CORO1B: variants seen among roughly 807,000 people sequenced by gnomAD.
CORO1B encodes the protein coronin 1B.
A neutral mutation model predicts 51.1 loss-of-function variants in CORO1B; 30 were observed. The ratio of observed to expected loss-of-function variants is 0.59; its 90% CI spans 0.44 to 0.80. The LOEUF (loss-of-function observed/expected upper bound fraction) is 0.80, where lower values mean the gene tolerates loss of function less well. Among genes scored for constraint, CORO1B ranks in the 30% least tolerant of loss-of-function variants. The pLI is 0.00. For synonymous variants in CORO1B, 310 were observed against 289.7 expected (o/e 1.07, Z -0.71); for missense variants, 648 against 700.4 (o/e 0.93, Z 0.84).
rs140493861 is a variant in CORO1B at position 67,440,341 on chromosome 11, G to A, written c.855C>T (p.Cys285=). The A allele has an allele frequency of 2.8e-5, 45 of 1,613,428 alleles. No individual in the cohort carries two copies. Among genetic ancestry groups the A allele is most frequent in the Admixed American group, 6.7e-5 (4 of 59,998 alleles). Residue 285 remains cysteine (C), a synonymous_variant, in exon 7 of 11, where the codon TGC becomes TGT. Transcript: ENST00000341356. The part of the protein sequence containing the change: ...YDPDTSVVYV[C]GKGDSSIRYF... Reference sequence around the variant, plus strand: ...CAGCCCTGCCCAGCCCCACCTTGCCGCAGACGTAGACCACACTGGTGTCGG... The same window carrying A: ...CAGCCCTGCCCAGCCCCACCTTGCCACAGACGTAGACCACACTGGTGTCGG...
intron 9 of CORO1B, among the ~76,000 whole-genome samples, chr11:67,439,482 T>TC (rs1164908288): frequency 6.6e-6 from 1 of 152,200 alleles, no homozygotes; most frequent in African/African-American, 2.4e-5. Context: ...CCCAGCTGTG[T>TC]TATGGGTCCT....
chr11:67,438,189 C>CTCCACTG lies in CORO1B; in HGVS notation c.*186_*187insCAGTGGA. 1.5e-6 allele frequency: 1 copy of CTCCACTG among 659,562 alleles called. No homozygotes were observed. Among genetic ancestry groups the CTCCACTG allele is most frequent in the East Asian group, 2.9e-5 (1 of 34,136 alleles). The allele number at this position is 659,562 out of a possible 1,614,324, so 40.9% of individuals were successfully genotyped here. On this transcript the variant is annotated 3_prime_UTR_variant, in exon 11 of 11. Coordinates refer to ENST00000341356, the MANE Select transcript of CORO1B (RefSeq NM_020441.3). ...AGGAGCTCGCCTGGGCGTAGACATCCTCCACAGGAACAGTGAGGAAAGCTG... is the reference window on the plus strand; with the variant it reads ...AGGAGCTCGCCTGGGCGTAGACATCCTCCACTGTCCACAGGAACAGTGAGGAAAGCTG...
chr11:67,441,513 G>A lies in CORO1B; in HGVS notation c.456C>T (p.Gly152=). The stretch of plus-strand genomic sequence containing the variant: ...TCCAGATGAGTACCACGTTGTCGCA[G>A]CCTGGCAGGTGAGGGTTGTCAGCTC... The part of the protein sequence containing the change: ...PTARNVLLSA[G]CDNVVLIWNV... The change falls in exon 5 of 11, where the codon GGC becomes GGT. Residue 152 remains glycine (G), a splice_region_variant and synonymous_variant. Coordinates refer to ENST00000341356, the MANE Select transcript of CORO1B (RefSeq NM_020441.3). The A allele has an allele frequency of 6.2e-7, 1 of 1,610,844 alleles. No homozygotes were observed. Among genetic ancestry groups the A allele is most frequent in the Non-Finnish European group, 8.5e-7 (1 of 1,178,186 alleles).
In CORO1B at chr11:67,436,331, C is replaced by T. The variant is rs543254828; in HGVS notation, c.*2045G>A. ...TGGCAGGGCCAGCAGCATCCCGAGC[C>T]CTAAGGTGCAGGGCAGAGCCTGTGG... is the stretch of plus-strand genomic sequence containing the variant. On this transcript the variant is annotated 3_prime_UTR_variant, in exon 11 of 11. Transcript: ENST00000341356. 1.3e-6 allele frequency: 2 copies of T among 1,502,270 alleles called. No homozygotes were observed. The highest frequency in any genetic ancestry group is 1.8e-6 in the Non-Finnish European group (2 of 1,127,282). 93.1% of individuals were successfully genotyped at this position (1,502,270 alleles called of 1,614,324 possible). A position where few individuals can be genotyped will look rare whatever the true frequency, so the allele number is the denominator to read the frequency against.
rs750177646 is a variant in CORO1B at position 67,441,633 on chromosome 11, C to A, written c.454+100G>T. Reference sequence around the variant, plus strand: ...AGACGGGTCTCTCCAACTCTGAGGGCCTCAGCTTTCCCATTTGTCATGTGG... The same window carrying A: ...AGACGGGTCTCTCCAACTCTGAGGGACTCAGCTTTCCCATTTGTCATGTGG... On this transcript the variant is annotated intron_variant, in intron 4 of 10. Transcript: ENST00000341356. The A allele has an allele frequency of 3.2e-6, 5 of 1,543,698 alleles. No individual in the cohort carries two copies. In the African/African-American group the frequency reaches 6.8e-5, roughly 21 times the overall value.
chr11:67,437,563 GC>G lies in CORO1B; in HGVS notation c.*812del, dbSNP rs1215926891. The G allele has an allele frequency of 8.2e-6, 11 of 1,337,566 alleles. No individual in the cohort carries two copies. The Admixed American group carries it at 3.0e-4, about 37-fold the overall frequency. 82.9% of individuals were successfully genotyped at this position (1,337,566 alleles called of 1,614,324 possible). ...TAGCTCCACAGGCCCAGACATTCTAGCCCCGACCGCCTGTGGCCCCCATCCC... is the reference window on the plus strand; with the variant it reads ...TAGCTCCACAGGCCCAGACATTCTAGCCCGACCGCCTGTGGCCCCCATCCC... On this transcript the variant is annotated 3_prime_UTR_variant, in exon 11 of 11. Coordinates refer to ENST00000341356, the MANE Select transcript of CORO1B (RefSeq NM_020441.3).
chr11:67,436,760 A>G lies in CORO1B; in HGVS notation c.*1616T>C. 1 of 180,554 alleles carries G rather than the reference A, an allele frequency of 5.5e-6. No homozygotes were observed. Among genetic ancestry groups the G allele is most frequent in the South Asian group, 1.9e-4 (1 of 5,220 alleles). The allele number at this position is 180,554 out of a possible 1,614,324, so 11.2% of individuals were successfully genotyped here. A position where few individuals can be genotyped will look rare whatever the true frequency, so the allele number is the denominator to read the frequency against. On this transcript the variant is annotated 3_prime_UTR_variant, in exon 11 of 11. Transcript: ENST00000341356. ...GTCTATCACTGCAGCCCACCCCAGCACCCCCCAGCACTCAGTGCCTTTTTC... is the reference window on the plus strand; with the variant it reads ...GTCTATCACTGCAGCCCACCCCAGCGCCCCCCAGCACTCAGTGCCTTTTTC...
Position 67,437,509 on chromosome 11 carries a change from C to T in CORO1B, c.*867G>A. On this transcript the variant is annotated 3_prime_UTR_variant, in exon 11 of 11. Transcript: ENST00000341356. ...GCCATACTCCTCTTAGGTCTCACCT[C>T]TTCCCTGGGGCCAATGTGGGGCCCT... The T allele has an allele frequency of 2.4e-6, 3 of 1,253,842 alleles. No homozygotes were observed. The highest frequency in any genetic ancestry group is 3.1e-6 in the Non-Finnish European group (3 of 967,264). 77.7% of individuals were successfully genotyped at this position (1,253,842 alleles called of 1,614,324 possible).
chr11:67,438,833 C>T lies in CORO1B; in HGVS notation c.1182G>A (p.Glu394=), dbSNP rs375320800. ...DADPILISLR[E]AYVPSKQRDL... ...CCCGCTGCTTGCTGGGCACGTAGGC[C>T]TCCCGCAGTGAGATGAGGATCGGGT... Residue 394 remains glutamate (E), a synonymous_variant, in exon 10 of 11, where the codon GAG becomes GAA. Transcript: ENST00000341356. 6.2e-6 allele frequency: 10 copies of T among 1,609,450 alleles called. No homozygotes were observed. In the African/African-American group the frequency reaches 1.1e-4, roughly 17 times the overall value.
intron 1 of CORO1B, 117 bp from the exon 2 acceptor site, chr11:67,442,747 TG>T: frequency 1.0e-6 from 1 of 991,792 alleles, no homozygotes. Context: ...GTAACCCTCC[TG>T]GGTCTCGGTT....
chr11:67,442,160 G>C, intron 2 of CORO1B, 72 bp from the exon 3 acceptor site: 3 of 1,580,178 alleles, frequency 1.9e-6, no homozygotes, highest in Non-Finnish European at 2.6e-6. Flanking sequence ...CATGGAGTGG[G>C]AATGACATGC....
upstream of CORO1B, chr11:67,443,656 G>T: frequency 2.3e-6 from 2 of 884,910 alleles, no homozygotes; most frequent in Non-Finnish European, 2.7e-6. Context: ...ACCCGGTGGA[G>T]CGCCCCCACC....
rs1345428626 is a variant in CORO1B, at chr11:67,436,110, G to A, written c.*2266C>T. On this transcript the variant is annotated 3_prime_UTR_variant, in exon 11 of 11. Coordinates refer to ENST00000341356, the MANE Select transcript of CORO1B (RefSeq NM_020441.3). ...CAGCGACCTGGGGGGCTGGCCCAGA[G>A]CAGGCGCCGCGTGCGGCCCCACAGC... The A allele has an allele frequency of 3.1e-6, 5 of 1,603,032 alleles. No individual in the cohort carries two copies. The highest frequency in any genetic ancestry group is 4.3e-6 in the Non-Finnish European group (5 of 1,175,026).
Position 67,435,995 on chromosome 11 carries a change from T to C in CORO1B, c.*2381A>G, listed in dbSNP as rs1427495748. 6.2e-7 allele frequency: 1 copy of C among 1,613,716 alleles called. No individual in the cohort carries two copies. The highest frequency in any genetic ancestry group is 2.2e-5 in the East Asian group (1 of 44,872). On this transcript the variant is annotated 3_prime_UTR_variant, in exon 11 of 11. Transcript: ENST00000341356. Reference sequence around the variant, plus strand: ...CCCAGGGTCAGCCTGCAGGCCACCATCCGCGACGTGGTCATAGTCTGTGTC... The same window carrying C: ...CCCAGGGTCAGCCTGCAGGCCACCACCCGCGACGTGGTCATAGTCTGTGTC...
Position 67,435,675 on chromosome 11 carries a change from G to A in CORO1B, c.*2701C>T. On this transcript the variant is annotated 3_prime_UTR_variant, in exon 11 of 11. Transcript: ENST00000341356. ...GTCCAGTCCAGCCATGGCATCTTGGGAAGCAGAGGCACGGGGAGTGAGCGG... is the reference window on the plus strand; with the variant it reads ...GTCCAGTCCAGCCATGGCATCTTGGAAAGCAGAGGCACGGGGAGTGAGCGG... The A allele has an allele frequency of 6.7e-7, 1 of 1,494,394 alleles. No individual in the cohort carries two copies. The highest frequency in any genetic ancestry group is 1.3e-5 in the South Asian group (1 of 74,470). The allele number at this position is 1,494,394 out of a possible 1,614,324, so 92.6% of individuals were successfully genotyped here. A position where few individuals can be genotyped will look rare whatever the true frequency, so the allele number is the denominator to read the frequency against.
Position 67,437,407 on chromosome 11 carries a change from G to C in CORO1B, c.*969C>G. 1 of 461,472 alleles carries C rather than the reference G, an allele frequency of 2.2e-6. No individual in the cohort carries two copies. The highest frequency in any genetic ancestry group is 4.4e-5 in the Admixed American group (1 of 22,866). The allele number at this position is 461,472 out of a possible 1,614,324, so 28.6% of individuals were successfully genotyped here. On this transcript the variant is annotated 3_prime_UTR_variant, in exon 11 of 11. Transcript: ENST00000341356. ...TTCCCAGGGCTCCTGACAGGGGCCT[G>C]GTCCGGTATGGGGTGCTGGGGGCCA...
At chr11:67,438,603 G>A in intron 10 of CORO1B, 68 bp downstream of exon 10, 1 of 1,529,462 alleles carries the variant, frequency 6.5e-7, no homozygotes, top group Non-Finnish European at 8.8e-7. Context: ...GCGAATGGCT[G>A]AAGCCCACAC....
At position 67,441,250 on chromosome 11, in the gene CORO1B, G is replaced by T; in HGVS notation, c.637-6C>A. 6.2e-7 allele frequency: 1 copy of T among 1,612,964 alleles called. No individual in the cohort carries two copies. The highest frequency in any genetic ancestry group is 8.5e-7 in the Non-Finnish European group (1 of 1,179,910). On this transcript the variant is annotated splice_polypyrimidine_tract_variant and splice_region_variant and intron_variant, in intron 5 of 10. Transcript: ENST00000341356. ...TCATGAGCCTTCTCCCGCTCCTGTC[G>T]GGGGGACAGGCTGGTCAGTGCAGCG...
upstream of CORO1B, chr11:67,443,801 C>T (rs1225339129): frequency 1.0e-5 from 10 of 985,224 alleles, no homozygotes; most frequent in South Asian, 4.7e-4. Flanking sequence ...ATGGCATCCG[C>T]AGGAGTCTCC....
Sources: gnomAD v4.1 joint callset for allele counts (sites outside exome capture counted in the v4.1 genomes callset) on GRCh38, gnomAD v4.1.1 for gene constraint, MANE v1.5 for transcripts, NCBI Gene and HGNC (gene_info 2026-07-23, HGNC 2026-07-21) for gene names.